Variants in TRPM3 observed in about 807,000 individuals in gnomAD.
TRPM3 encodes long transient receptor potential channel 3.
A neutral mutation model predicts 181.2 loss-of-function variants in TRPM3; 77 were observed. The observed-to-expected ratio is 0.42, with a 90% CI of 0.35 to 0.51. TRPM3 has a LOEUF of 0.51. Among genes scored for constraint, TRPM3 ranks in the 20% least tolerant of loss-of-function variants. The pLI is 0.01. For synonymous variants in TRPM3, 745 were observed against 796.4 expected, an observed-to-expected ratio of 0.94 and a Z score of 1.09; for missense variants, 1,759 against 2,196.7, an observed-to-expected ratio of 0.80 and a Z score of 3.98.
chr9:71,163,463 T>C (rs1414136670), intron 1 of TRPM3, among the ~76,000 whole-genome samples: 1 of 152,014 alleles, frequency 6.6e-6, no homozygotes, highest in Non-Finnish European at 1.5e-5. Context: ...GTATACTGAG[T>C]GGTTAACAGT....
chr9:71,101,105 C>A (rs1405742992), intron 1 of TRPM3, among the ~76,000 whole-genome samples: 1 of 152,144 alleles, frequency 6.6e-6, no homozygotes, highest in Non-Finnish European at 1.5e-5. Flanking sequence ...ACTGCTTATT[C>A]TCTCGAAATA....
At chr9:71,191,376 T>C (rs2078009728) in intron 1 of TRPM3, among the ~76,000 whole-genome samples, 3 of 151,812 alleles carry the variant, frequency 2.0e-5, no homozygotes, top group Admixed American at 2.0e-4. Context: ...CCTTTTCAAG[T>C]TCACTTTCTT....
chr9:71,034,138 A>G (rs952483720), intron 1 of TRPM3, among the ~76,000 whole-genome samples: 2 of 152,160 alleles, frequency 1.3e-5, no homozygotes, highest in African/African-American at 4.8e-5. Context: ...ATGGAACAAA[A>G]CAATGTTATT....
rs370105776 is a variant in TRPM3, at chr9:70,956,196, T to TA, written c.178-91686dup. On this transcript the variant is annotated intron_variant, in intron 1 of 25. Transcript: ENST00000677713. ...GGCGTAACAGACCACAGGCTATACT[T>TA]ATATGAATAAATGGAGAGCTTGGAC... 5.9e-5 allele frequency among the ~76,000 whole-genome samples: 9 copies of TA among 152,174 alleles called. No individual in the cohort carries two copies. In the East Asian group the frequency reaches 1.7e-3, roughly 29 times the overall value.
intron 1 of TRPM3, among the ~76,000 whole-genome samples, chr9:71,191,352 C>T (rs1488193103): frequency 6.6e-6 from 1 of 151,692 alleles, no homozygotes; most frequent in Non-Finnish European, 1.5e-5. Flanking sequence ...CGCTGCCCAC[C>T]CTTCTTTCAA....
At chr9:71,014,049 A>G (rs1275385509) in intron 1 of TRPM3, among the ~76,000 whole-genome samples, 1 of 151,892 alleles carries the variant, frequency 6.6e-6, no homozygotes, top group Non-Finnish European at 1.5e-5. Flanking sequence ...TTACTGGCAT[A>G]AGTATTGGAG....
chr9:71,346,338 C>T (rs1010452569), intron 1 of TRPM3, among the ~76,000 whole-genome samples: 1 of 152,152 alleles, frequency 6.6e-6, no homozygotes, highest in Admixed American at 6.6e-5. Flanking sequence ...TCTTGTTATG[C>T]TCATTTTTAC....
intron 22 of TRPM3, among the ~76,000 whole-genome samples, chr9:70,582,868 G>T (rs1168337803): frequency 1.3e-5 from 2 of 152,130 alleles, no homozygotes; most frequent in African/African-American, 2.4e-5. Context: ...ATGACACCAG[G>T]TTACAATTAC....
chr9:71,154,845 T>C (rs2075904628), intron 1 of TRPM3, among the ~76,000 whole-genome samples: 1 of 152,164 alleles, frequency 6.6e-6, no homozygotes, highest in East Asian at 1.9e-4. Context: ...CAAAGAACGA[T>C]ACAGTTTAAA....
At chr9:71,417,876 A>G (rs1207987424) in intron 1 of TRPM3, among the ~76,000 whole-genome samples, 1 of 152,014 alleles carries the variant, frequency 6.6e-6, no homozygotes, top group Non-Finnish European at 1.5e-5. Flanking sequence ...TACTTGATAT[A>G]TCATTCTTAT....
intron 1 of TRPM3, among the ~76,000 whole-genome samples, chr9:70,986,466 G>A (rs1193734103): frequency 6.6e-6 from 1 of 152,134 alleles, no homozygotes; most frequent in Non-Finnish European, 1.5e-5. Context: ...TCAAGAACAA[G>A]TTTATAATAA....
chr9:70,781,091 C>T (rs926723883), intron 7 of TRPM3, among the ~76,000 whole-genome samples: 4 of 150,986 alleles, frequency 2.6e-5, no homozygotes, highest in East Asian at 2.0e-4. Flanking sequence ...TTTGGGAGGC[C>T]AGGGTGGGAG....
chr9:71,097,600 T>C (rs541833422), intron 1 of TRPM3, among the ~76,000 whole-genome samples: 2 of 151,798 alleles, frequency 1.3e-5, no homozygotes, highest in South Asian at 2.1e-4. Flanking sequence ...TAAAACCAAA[T>C]ATATTCCATA....
chr9:71,376,381 G>T (rs2092667229), intron 1 of TRPM3, among the ~76,000 whole-genome samples: 1 of 151,946 alleles, frequency 6.6e-6, no homozygotes, highest in South Asian at 2.1e-4. Flanking sequence ...TATTTTAATA[G>T]AATAAGGTTA....
rs568211715 is a variant in TRPM3 at position 70,804,369 on chromosome 9, G to A, written c.974-20090C>T. Among the ~76,000 whole-genome samples, 4 of 152,060 alleles carry A rather than the reference G, an allele frequency of 2.6e-5. No homozygotes were observed. The South Asian group carries it at 8.3e-4, about 32-fold the overall frequency. On this transcript the variant is annotated intron_variant, in intron 6 of 25. Coordinates refer to ENST00000677713, the MANE Select transcript of TRPM3 (RefSeq NM_001366145.2). The stretch of plus-strand genomic sequence containing the variant: ...ACAAAACAAAACCCAAAAAACTACT[G>A]TTCTTTATTGGATATACTATGTAAG...
At chr9:70,864,535 A>G (rs775555598) in intron 1 of TRPM3, 24 bp from the exon 2 acceptor site, 14 of 1,465,400 alleles carry the variant, frequency 9.6e-6, no homozygotes, top group South Asian at 1.5e-5. Flanking sequence ...CAAAAAAAAA[A>G]AAAAAAGAAA....
intron 9 of TRPM3, among the ~76,000 whole-genome samples, chr9:70,641,990 G>A (rs1218189877): frequency 1.3e-5 from 2 of 152,154 alleles, no homozygotes; most frequent in Non-Finnish European, 2.9e-5. Flanking sequence ...AGTGATTTCT[G>A]TTTAAACAGG....
intron 1 of TRPM3, among the ~76,000 whole-genome samples, chr9:71,393,013 G>C (rs1003937305): frequency 2.0e-5 from 3 of 152,126 alleles, no homozygotes; most frequent in African/African-American, 7.2e-5. Flanking sequence ...GGTATTAAAA[G>C]GAAGGAATGT....
At chr9:71,369,829 G>A (rs1427433073) in intron 1 of TRPM3, among the ~76,000 whole-genome samples, 1 of 152,200 alleles carries the variant, frequency 6.6e-6, no homozygotes, top group African/African-American at 2.4e-5. Context: ...CATGGACAAT[G>A]CGCTTCTCAC....
Sources: gnomAD v4.1 joint callset for allele counts (sites outside exome capture counted in the v4.1 genomes callset) on GRCh38, gnomAD v4.1.1 for gene constraint, MANE v1.5 for transcripts, NCBI Gene and HGNC (gene_info 2026-07-23, HGNC 2026-07-21) for gene names.